Variants in RNF157 observed in about 807,000 individuals in gnomAD.
RNF157 encodes E3 ubiquitin ligase RNF157.
RNF157 carries 55 observed loss-of-function variants against 88.3 expected under a neutral mutation model. The observed-to-expected ratio is 0.62, with a 90% CI of 0.50 to 0.78. RNF157 has a LOEUF of 0.78. Among genes scored for constraint, RNF157 ranks in the 30% least tolerant of loss-of-function variants. The pLI is 0.00. For missense variants in RNF157, 788 were observed against 860.8 expected (o/e 0.92, Z 1.06); for synonymous variants, 334 against 341.2 (o/e 0.98, Z 0.23).
intron 2 of RNF157, among the ~76,000 whole-genome samples, chr17:76,180,716 C>T (rs867447108): frequency 1.6e-4 from 24 of 152,300 alleles, no homozygotes; most frequent in African/African-American, 3.8e-4. Context: ...TAAGCCACCA[C>T]ACCTGGTCTT....
In RNF157 at chr17:76,166,489, C is replaced by T; in HGVS notation, c.600G>A (p.Val200=). ...CTCCTTCATCCACCACGGCATGTAC[C>T]ACTAGAGGGTAAACTTCTCGGTCTA... ...FDLDREVYPL[V]VHAVVDEGDE... Residue 200 remains valine (V), a synonymous_variant, in exon 6 of 19, where the codon GTG becomes GTA. Coordinates refer to ENST00000269391, the MANE Select transcript of RNF157 (RefSeq NM_052916.3). 1 of 1,613,978 alleles carries T rather than the reference C, an allele frequency of 6.2e-7. No individual in the cohort carries two copies. The highest frequency in any genetic ancestry group is 8.5e-7 in the Non-Finnish European group (1 of 1,179,972).
chr17:76,222,470 T>A (rs1216499592), intron 1 of RNF157, among the ~76,000 whole-genome samples: 2 of 152,222 alleles, frequency 1.3e-5, no homozygotes, highest in African/African-American at 2.4e-5. Flanking sequence ...GCCTCAATTT[T>A]AAAAAATCAC....
chr17:76,187,895 G>A (rs2069320564), intron 2 of RNF157, among the ~76,000 whole-genome samples: 1 of 152,146 alleles, frequency 6.6e-6, no homozygotes, highest in Non-Finnish European at 1.5e-5. Flanking sequence ...ACCACGCCCA[G>A]CCCTGATAGT....
At chr17:76,169,725 G>A (rs146731500) in intron 3 of RNF157, among the ~76,000 whole-genome samples, 2,768 of 151,796 alleles carry the variant, frequency 0.018, 84 homozygotes, top group African/African-American at 0.062. Context: ...GATTATAGGC[G>A]TGTGCCACCA....
rs141409247 is a variant in RNF157, at chr17:76,154,390, G to A, written c.1765-62C>T. On this transcript the variant is annotated intron_variant, in intron 16 of 18. Transcript: ENST00000269391. ...GGCAAAATGAGTAAACTGATTGGCT[G>A]AAGACAGAACTAATCATCCTACTGG... 260 of 1,090,182 alleles carry A rather than the reference G, an allele frequency of 2.4e-4. 2 individuals are homozygous for A. The African/African-American group carries it at 3.2e-3, about 14-fold the overall frequency. 67.5% of individuals were successfully genotyped at this position (1,090,182 alleles called of 1,614,324 possible).
chr17:76,176,024 C>T lies in RNF157; in HGVS notation c.208-2234G>A, dbSNP rs1212802297. Among the ~76,000 whole-genome samples, 7 of 152,158 alleles carry T rather than the reference C, an allele frequency of 4.6e-5. No individual in the cohort carries two copies. Among genetic ancestry groups the T allele is most frequent in the Non-Finnish European group, 8.8e-5 (6 of 68,026 alleles). Reference sequence around the variant, plus strand: ...CACACATACACGCACAAGACAACAACGGCAAATCTGTTCAGGAGAAGCTTG... The same window carrying T: ...CACACATACACGCACAAGACAACAATGGCAAATCTGTTCAGGAGAAGCTTG... On this transcript the variant is annotated intron_variant, in intron 2 of 18. Coordinates refer to ENST00000269391, the MANE Select transcript of RNF157 (RefSeq NM_052916.3). This position sits in a 1 kb window ranked among gnomAD's most constrained non-coding sequence, Gnocchi z 4.2.
rs549098259 is a variant in RNF157, at chr17:76,212,502, A to C, written c.89-20T>G. On this transcript the variant is annotated intron_variant, in intron 1 of 18. Coordinates refer to ENST00000269391, the MANE Select transcript of RNF157 (RefSeq NM_052916.3). Reference sequence around the variant, plus strand: ...AGCTTCCTAGAGAGGAACAAACAAAAAAAATCAAACAAGCAGAAAACAGTC... The same window carrying C: ...AGCTTCCTAGAGAGGAACAAACAAACAAAATCAAACAAGCAGAAAACAGTC... 6.8e-7 allele frequency: 1 copy of C among 1,466,264 alleles called. No individual in the cohort carries two copies. Among genetic ancestry groups the C allele is most frequent in the African/African-American group, 1.4e-5 (1 of 71,796 alleles). 90.8% of individuals were successfully genotyped at this position (1,466,264 alleles called of 1,614,324 possible). A position where few individuals can be genotyped will look rare whatever the true frequency, so the allele number is the denominator to read the frequency against.
chr17:76,239,654 C>T (rs1408619115), intron 1 of RNF157, among the ~76,000 whole-genome samples: 3 of 150,618 alleles, frequency 2.0e-5, no homozygotes, highest in African/African-American at 4.9e-5. Flanking sequence ...AAACCTAATT[C>T]TAACCTTTCC....
chr17:76,239,704 C>T (rs1227309611), intron 1 of RNF157, among the ~76,000 whole-genome samples: 1 of 152,186 alleles, frequency 6.6e-6, no homozygotes, highest in East Asian at 1.9e-4. Context: ...GCACCTGGCG[C>T]AAGTGCCTGT....
chr17:76,240,017 C>T lies in RNF157; in HGVS notation c.88+136G>A, dbSNP rs1464357470. 1.4e-5 allele frequency: 5 copies of T among 355,310 alleles called. No homozygotes were observed. Among genetic ancestry groups the T allele is most frequent in the African/African-American group, 6.5e-5 (3 of 45,802 alleles). The allele number at this position is 355,310 out of a possible 1,614,324, so 22.0% of individuals were successfully genotyped here. ...CCTCGGCCTTCTCGAAGACCTCCCG[C>T]GCTCGAAGACCGTTTCGGAGCGTCC... On this transcript the variant is annotated intron_variant, in intron 1 of 18. Coordinates refer to ENST00000269391, the MANE Select transcript of RNF157 (RefSeq NM_052916.3). This position sits in a 1 kb window ranked among gnomAD's most constrained non-coding sequence, Gnocchi z 4.4.
chr17:76,193,853 C>G (rs549164417), intron 2 of RNF157, among the ~76,000 whole-genome samples: 1 of 152,318 alleles, frequency 6.6e-6, no homozygotes, highest in African/African-American at 2.4e-5. Context: ...AGATTAGCGC[C>G]TGGCCGAGGG....
At chr17:76,226,088 C>T in intron 1 of RNF157, 2 of 1,601,862 alleles carry the variant, frequency 1.2e-6, no homozygotes, top group Middle Eastern at 3.4e-4. Context: ...ATTTGGAGAG[C>T]CCCTGGTAGA....
rs761928768 is a variant in RNF157 at position 76,159,387 on chromosome 17, G to C, written c.1252C>G (p.Arg418Gly). ...PPVRTISPLD[R>G]LSDSSSQGLK... ...CCCTGACTGCTGCTGTCAGACAGGC[G>C]GTCAAGAGGCGAGATCGTCCTGACG... Residue 418 changes from arginine (R) to glycine (G), a missense_variant, in exon 12 of 19, where the codon CGC (arginine) becomes GGC (glycine). Coordinates refer to ENST00000269391, the MANE Select transcript of RNF157 (RefSeq NM_052916.3). 1.2e-6 allele frequency: 2 copies of C among 1,613,140 alleles called. No individual in the cohort carries two copies. Among genetic ancestry groups the C allele is most frequent in the African/African-American group, 2.7e-5 (2 of 74,874 alleles).
At position 76,224,636 on chromosome 17, in the gene RNF157, C is replaced by A. The variant is rs1420545498; in HGVS notation, c.89-12154G>T. Among the ~76,000 whole-genome samples, 3 of 151,832 alleles carry A rather than the reference C, an allele frequency of 2.0e-5. No individual in the cohort carries two copies. The East Asian group carries it at 5.8e-4, about 29-fold the overall frequency. ...AGAGCAAGGGTGCCTAATCTTTTGA[C>A]TTCCCTTGGCCACACTGGAAAAAGA... On this transcript the variant is annotated intron_variant, in intron 1 of 18. Transcript: ENST00000269391.
At chr17:76,235,293 GT>G (rs559256211) in intron 1 of RNF157, among the ~76,000 whole-genome samples, 149 of 152,118 alleles carry the variant, frequency 9.8e-4, no homozygotes, top group African/African-American at 3.4e-3. Context: ...CGCCTCCTGG[GT>G]TCACATCATT....
In RNF157 at chr17:76,158,475, A is replaced by G. The variant is rs1323817779; in HGVS notation, c.1331T>C (p.Leu444Pro). 5 of 1,613,576 alleles carry G rather than the reference A, an allele frequency of 3.1e-6. No homozygotes were observed. In the African/African-American group the frequency reaches 5.3e-5, roughly 17 times the overall value. Residue 444 changes from leucine to proline, a missense_variant, in exon 13 of 19, where the codon CTG (leucine) becomes CCG (proline). By Grantham distance (98) the Leu-to-Pro change is moderately conservative. Coordinates refer to ENST00000269391, the MANE Select transcript of RNF157 (RefSeq NM_052916.3). Reference sequence around the variant, plus strand: ...GGAATGCTCATCTTCCTCTTCATGCAGCACGGAAGAGTTTTGGGAAGTGGA... The same window carrying G: ...GGAATGCTCATCTTCCTCTTCATGCGGCACGGAAGAGTTTTGGGAAGTGGA... ...SKSTSQNSSV[L>P]HEEEDEHSCS...
At chr17:76,180,758 A>G (rs934820099) in intron 2 of RNF157, among the ~76,000 whole-genome samples, 1 of 152,142 alleles carries the variant, frequency 6.6e-6, no homozygotes, top group East Asian at 1.9e-4. Flanking sequence ...TACACATAAC[A>G]TGAAATTTAC....
At chr17:76,202,400 G>A (rs2069600171) in intron 2 of RNF157, among the ~76,000 whole-genome samples, 1 of 152,156 alleles carries the variant, frequency 6.6e-6, no homozygotes, top group South Asian at 2.1e-4. Context: ...TCTCTAATCT[G>A]CACTGCATTC....
chr17:76,151,622 C>G (rs1260894734), intron 18 of RNF157, among the ~76,000 whole-genome samples: 2 of 152,178 alleles, frequency 1.3e-5, no homozygotes, highest in African/African-American at 4.8e-5. Context: ...TTTTGGAGCC[C>G]TTGAACGGGC....
Sources: gnomAD v4.1 joint callset for allele counts (sites outside exome capture counted in the v4.1 genomes callset) on GRCh38, gnomAD v4.1.1 for gene constraint, Gnocchi (gnomAD v3.1) non-coding constraint, MANE v1.5 for transcripts, NCBI Gene and HGNC (gene_info 2026-07-23, HGNC 2026-07-21) for gene names.